Variants in MUC3A observed in about 807,000 individuals in gnomAD.
The protein encoded by MUC3A is mucin 3A, cell surface associated, also known as mucin-3A.
Under a neutral mutation model 109.0 loss-of-function variants are expected in MUC3A, and 109 were observed. The ratio of observed to expected loss-of-function variants is 1.00; its 90% CI spans 0.86 to 1.17. The LOEUF (loss-of-function observed/expected upper bound fraction) is 1.17. Ranked by LOEUF, MUC3A falls within the 50% of genes most tolerant of loss-of-function variation. The pLI, the probability that MUC3A is intolerant of heterozygous loss-of-function variation, is 0.00. For missense variants in MUC3A, 3,537 were observed against 2,469.4 expected (o/e 1.43, Z -9.16); for synonymous variants, 1,398 against 981.4 (o/e 1.42, Z -7.93).
intron 3 of MUC3A, among the ~76,000 whole-genome samples, chr7:100,961,194 C>T (rs1446997737): frequency 6.6e-6 from 1 of 152,312 alleles, no homozygotes; most frequent in Admixed American, 6.5e-5. Flanking sequence ...CAGTTTCCAA[C>T]TGCTGCCGGG....
chr7:100,949,610 C>T lies in MUC3A; in HGVS notation c.-15C>T. On this transcript the variant is annotated 5_prime_UTR_variant, in exon 1 of 12. Transcript: ENST00000379458. ...CTGAAGCCTGTTCTGCCCCAGCCCC[C>T]TGCCCGCTGGGCCCATGCAGCTGTT... The T allele has an allele frequency of 6.5e-7, 1 of 1,546,456 alleles. No individual in the cohort carries two copies.
chr7:100,964,938 T>C, intron 6 of MUC3A, 95 bp downstream of exon 6: 1 of 1,479,010 alleles, frequency 6.8e-7, no homozygotes, highest in Non-Finnish European at 9.0e-7. Flanking sequence ...GTGCCAGCCC[T>C]GTGGTACCTC....
At position 100,959,264 on chromosome 7, in the gene MUC3A, G is replaced by T. The variant is rs79067082; in HGVS notation, c.7485G>T (p.Ser2495=). 5 of 1,271,562 alleles carry T rather than the reference G, an allele frequency of 3.9e-6. No homozygotes were observed. Among genetic ancestry groups the T allele is most frequent in the Non-Finnish European group, 4.3e-6 (4 of 920,440 alleles). The allele number at this position is 1,271,562 out of a possible 1,614,324, so 78.8% of individuals were successfully genotyped here. A position where few individuals can be genotyped will look rare whatever the true frequency, so the allele number is the denominator to read the frequency against. The change falls in exon 2 of 12, where the codon TCG becomes TCT. Residue 2495 remains serine, a synonymous_variant. Coordinates refer to ENST00000379458, the MANE Select transcript of MUC3A (RefSeq NM_005960.2). Reference sequence around the variant, plus strand: ...CAAGCCTACGAACTCTCACCCCTTCGTCTGTGGGCACCAGCACTTCATTGA... The same window carrying T: ...CAAGCCTACGAACTCTCACCCCTTCTTCTGTGGGCACCAGCACTTCATTGA... ...PTTSLRTLTP[S]SVGTSTSLTT...
In MUC3A at chr7:100,966,500, G is replaced by A; in HGVS notation, c.9726G>A (p.Leu3242=). Residue 3242 remains leucine (L), a synonymous_variant, in exon 9 of 12, where the codon CTG becomes CTA. Transcript: ENST00000379458. ...TAGAALLVLL[L]LALGVRAVRS... is the part of the protein sequence containing the mutation. The stretch of plus-strand genomic sequence containing the variant: ...GCGCCGCGCTGCTGGTGCTGCTGCT[G>A]CTGGCGCTGGGCGTCCGGGCGGTGC... 7.6e-7 allele frequency: 1 copy of A among 1,307,916 alleles called. No homozygotes were observed. The highest frequency in any genetic ancestry group is 2.7e-5 in the South Asian group (1 of 36,418). The allele number at this position is 1,307,916 out of a possible 1,614,324, so 81.0% of individuals were successfully genotyped here. A position where few individuals can be genotyped will look rare whatever the true frequency, so the allele number is the denominator to read the frequency against.
chr7:100,966,269 A>ACCCCACAGCTTGCCCTAGGGTGGAAC, intron 8 of MUC3A, 117 bp from the exon 9 acceptor site: 2 of 984,758 alleles, frequency 2.0e-6, no homozygotes, highest in Non-Finnish European at 2.6e-6. Flanking sequence ...CTAGGGTGGA[A>ACCCCACAGCTTGCCCTAGGGTGGAAC]CCCCCCGCTG....
chr7:100,966,332 G>T (rs1207823862), intron 8 of MUC3A, 54 bp from the exon 9 acceptor site: 9 of 1,264,306 alleles, frequency 7.1e-6, no homozygotes, highest in Non-Finnish European at 8.9e-6. Context: ...CCAGGTGCAC[G>T]GGTGGACCCC....
At chr7:100,965,398 TAC>T in intron 7 of MUC3A, 51 bp downstream of exon 7, 1 of 1,577,316 alleles carries the variant, frequency 6.3e-7, no homozygotes, top group South Asian at 1.1e-5. Context: ...TGATCCGGGC[TAC>T]CAGGGACATT....
rs758525035 is a variant in MUC3A, at chr7:100,959,108, C to T, written c.7329C>T (p.Leu2443=). The part of the protein sequence containing the change: ...TETTSESTPS[L]SSSTIYSTVS... ...CCACCTCAGAGAGTACTCCCAGCCT[C>T]AGTTCTTCAACCATCTACTCCACAG... is the stretch of plus-strand genomic sequence containing the variant. Residue 2443 remains leucine (L), a synonymous_variant, in exon 2 of 12, where the codon CTC becomes CTT. Coordinates refer to ENST00000379458, the MANE Select transcript of MUC3A (RefSeq NM_005960.2). 2 of 1,593,270 alleles carry T rather than the reference C, an allele frequency of 1.3e-6. No individual in the cohort carries two copies. Among genetic ancestry groups the T allele is most frequent in the Non-Finnish European group, 1.7e-6 (2 of 1,177,374 alleles).
Position 100,960,784 on chromosome 7 carries a change from G to T in MUC3A, c.8899G>T (p.Gly2967Cys), listed in dbSNP as rs769764372. Residue 2967 changes from glycine to cysteine, a missense_variant, in exon 3 of 12, where the codon GGC becomes TGC. Transcript: ENST00000379458. ...TCDNGGTWEQ[G>C]QCACLPGFSG... ...TGACAATGGTGGCACCTGGGAACAG[G>T]GCCAGTGTGCTTGCCTTCCGGGGTT... 6.3e-7 allele frequency: 1 copy of T among 1,598,400 alleles called. No homozygotes were observed. Among genetic ancestry groups the T allele is most frequent in the Non-Finnish European group, 8.5e-7 (1 of 1,179,820 alleles).
At chr7:100,962,832 TC>T (rs1792382452) in intron 3 of MUC3A, among the ~76,000 whole-genome samples, 1 of 146,562 alleles carries the variant, frequency 6.8e-6, no homozygotes, top group South Asian at 2.1e-4. Flanking sequence ...TTTCTTTCTT[TC>T]TTTTTCTCTC....
intron 11 of MUC3A, 37 bp downstream of exon 11, chr7:100,966,988 C>A: frequency 6.3e-7 from 1 of 1,598,550 alleles, no homozygotes; most frequent in Non-Finnish European, 8.5e-7. Context: ...AGGAACTCTC[C>A]CAGCCTCCAT....
Position 100,958,519 on chromosome 7 carries a change from A to T in MUC3A, c.6740A>T (p.Glu2247Val). 7.6e-7 allele frequency: 1 copy of T among 1,311,406 alleles called. No individual in the cohort carries two copies. The highest frequency in any genetic ancestry group is 1.1e-6 in the Non-Finnish European group (1 of 923,062). 81.2% of individuals were successfully genotyped at this position (1,311,406 alleles called of 1,614,324 possible). A position where few individuals can be genotyped will look rare whatever the true frequency, so the allele number is the denominator to read the frequency against. ...PGFTSSITTTETTSHSTPSFT... is the reference protein window; with the variant it reads ...PGFTSSITTTVTTSHSTPSFT... ...TTCACTTCTTCAATCACCACCACTG[A>T]GACTACATCCCACAGTACTCCCAGC... The change falls in exon 2 of 12, where the codon GAG (glutamate) becomes GTG (valine). Residue 2247 changes from glutamate to valine, a missense_variant. By Grantham distance (121) the Glu-to-Val change is moderately radical (BLOSUM62 -2). Coordinates refer to ENST00000379458, the MANE Select transcript of MUC3A (RefSeq NM_005960.2).
At chr7:100,965,951 C>T in intron 8 of MUC3A, 85 bp downstream of exon 8, 2 of 1,483,760 alleles carry the variant, frequency 1.3e-6, no homozygotes, top group Non-Finnish European at 1.8e-6. Flanking sequence ...CGCCCCGGCT[C>T]CGCGCCCTGG....
chr7:100,949,548 C>A lies in MUC3A; in HGVS notation c.-77C>A. ...CGATAACCAGCACTTTCATTACGTG[C>A]ACGCCCCAGGGCCACGTCCCTGCCG... On this transcript the variant is annotated 5_prime_UTR_variant, in exon 1 of 12. Coordinates refer to ENST00000379458, the MANE Select transcript of MUC3A (RefSeq NM_005960.2). 1 of 1,419,350 alleles carries A rather than the reference C, an allele frequency of 7.0e-7. No homozygotes were observed. The highest frequency in any genetic ancestry group is 1.6e-5 in the African/African-American group (1 of 61,712). 87.9% of individuals were successfully genotyped at this position (1,419,350 alleles called of 1,614,324 possible).
At position 100,953,974 on chromosome 7, in the gene MUC3A, T is replaced by G; in HGVS notation, c.2195T>G (p.Met732Arg). The G allele has an allele frequency of 2.2e-6, 1 of 455,746 alleles. No individual in the cohort carries two copies. 28.2% of individuals were successfully genotyped at this position (455,746 alleles called of 1,614,324 possible). ...ACGGAAATCACCTATCCCACCACTA[T>G]GACAGAGACATCATCCACTGCCACC... ...STTEITYPTTMTETSSTATSL... is the reference protein window; with the variant it reads ...STTEITYPTTRTETSSTATSL... Residue 732 changes from methionine (M) to arginine (R), a missense_variant, in exon 2 of 12, where the codon ATG (methionine) becomes AGG (arginine). Transcript: ENST00000379458.
At position 100,949,621 on chromosome 7, in the gene MUC3A, G is replaced by A. The variant is rs1268772696; in HGVS notation, c.-4G>A. The stretch of plus-strand genomic sequence containing the variant: ...TCTGCCCCAGCCCCCTGCCCGCTGG[G>A]CCCATGCAGCTGTTGGGGCTCCTCG... On this transcript the variant is annotated 5_prime_UTR_variant, in exon 1 of 12. Transcript: ENST00000379458. The A allele has an allele frequency of 3.2e-6, 5 of 1,550,496 alleles. No individual in the cohort carries two copies. The highest frequency in any genetic ancestry group is 3.8e-5 in the Admixed American group (2 of 52,568).
chr7:100,957,965 G>T lies in MUC3A; in HGVS notation c.6186G>T (p.Leu2062Phe). 3.3e-6 allele frequency: 1 copy of T among 299,952 alleles called. No homozygotes were observed. The highest frequency in any genetic ancestry group is 5.3e-6 in the Non-Finnish European group (1 of 190,046). The allele number at this position is 299,952 out of a possible 1,614,324, so 18.6% of individuals were successfully genotyped here. A position where few individuals can be genotyped will look rare whatever the true frequency, so the allele number is the denominator to read the frequency against. ...TSHSTPSFTSLITITEITSHS... is the reference protein window; with the variant it reads ...TSHSTPSFTSFITITEITSHS... ...ACAGTACTCCCAGCTTCACTTCATT[G>T]ATCACCATCACCGAGATCACCTCAC... Residue 2062 changes from leucine to phenylalanine, a missense_variant, in exon 2 of 12, where the codon TTG becomes TTT. Leu to Phe is a conservative substitution (Grantham distance 22, BLOSUM62 0). Coordinates refer to ENST00000379458, the MANE Select transcript of MUC3A (RefSeq NM_005960.2).
In MUC3A at chr7:100,960,112, T is replaced by A; in HGVS notation, c.8333T>A (p.Val2778Asp). The change falls in exon 2 of 12, where the codon GTC becomes GAC. Residue 2778 changes from valine (V) to aspartate (D), a missense_variant. Coordinates refer to ENST00000379458, the MANE Select transcript of MUC3A (RefSeq NM_005960.2). Reference protein sequence around the residue: ...PCPGTITITIVPASPTDPCVE... With the variant: ...PCPGTITITIDPASPTDPCVE... ...CCAGGAACTATAACAATTACCATAGTCCCTGCCTCCCCCACTGATCCATGT... is the reference window on the plus strand; with the variant it reads ...CCAGGAACTATAACAATTACCATAGACCCTGCCTCCCCCACTGATCCATGT... The A allele has an allele frequency of 1.3e-6, 2 of 1,538,188 alleles. No individual in the cohort carries two copies. The highest frequency in any genetic ancestry group is 1.7e-6 in the Non-Finnish European group (2 of 1,149,758).
chr7:100,959,871 A>G lies in MUC3A; in HGVS notation c.8092A>G (p.Ser2698Gly). The change falls in exon 2 of 12, where the codon AGC becomes GGC. Residue 2698 changes from serine (S) to glycine (G), a missense_variant. By Grantham distance (56) the Ser-to-Gly change is moderately conservative (BLOSUM62 0). Coordinates refer to ENST00000379458, the MANE Select transcript of MUC3A (RefSeq NM_005960.2). ...CATGTCCTCTTCTCCATCTTCTGCC[A>G]GCATAACTCCAGTGTTTTCCACTAC... is the stretch of plus-strand genomic sequence containing the variant. Reference protein sequence around the residue: ...IIMSSSPSSASITPVFSTTIH... With the variant: ...IIMSSSPSSAGITPVFSTTIH... The G allele has an allele frequency of 6.4e-7, 1 of 1,556,552 alleles. No individual in the cohort carries two copies. Among genetic ancestry groups the G allele is most frequent in the Non-Finnish European group, 8.6e-7 (1 of 1,159,418 alleles).
Sources: allele counts gnomAD v4.1 joint callset (sites outside exome capture counted in the v4.1 genomes callset), GRCh38; gene constraint gnomAD v4.1.1; transcripts MANE v1.5; gene names NCBI Gene and HGNC (gene_info 2026-07-23, HGNC 2026-07-21).